ARHGEF4: variants seen among roughly 807,000 people sequenced by gnomAD.
ARHGEF4 encodes the protein Rho guanine nucleotide exchange factor 4.
In ARHGEF4, 119 loss-of-function variants were observed where a neutral mutation model predicts 162.0. The observed-to-expected ratio is 0.73, with a 90% CI of 0.63 to 0.86. The LOEUF (loss-of-function observed/expected upper bound fraction) is 0.86, where lower values mean the gene tolerates loss of function less well. ARHGEF4 is among the 40% of genes least tolerant of loss of function. The pLI is 0.00. For synonymous variants in ARHGEF4, 1,014 were observed against 979.9 expected, an observed-to-expected ratio of 1.03 and a Z score of -0.65; for missense variants, 2,488 against 2,456.0, an observed-to-expected ratio of 1.01 and a Z score of -0.28.
At chr2:130,901,253 G>A (rs1484112546) in intron 1 of ARHGEF4, among the ~76,000 whole-genome samples, 1 of 152,162 alleles carries the variant, frequency 6.6e-6, no homozygotes, top group East Asian at 1.9e-4. Context: ...AGACACACAG[G>A]CTGCTGACAT....
intron 4 of ARHGEF4, among the ~76,000 whole-genome samples, chr2:130,951,067 A>G (rs1166076237): frequency 1.3e-5 from 2 of 152,166 alleles, no homozygotes; most frequent in South Asian, 2.1e-4. Context: ...GCCTTCATAC[A>G]ATTGGAAAAA....
At chr2:130,850,821 A>G (rs1681357963) in intron 1 of ARHGEF4, among the ~76,000 whole-genome samples, 1 of 152,248 alleles carries the variant, frequency 6.6e-6, no homozygotes, top group Admixed American at 6.5e-5. Flanking sequence ...GCCACTGTAC[A>G]GTCTTTCCAA....
chr2:130,999,505 A>T (rs748229705), intron 4 of ARHGEF4, among the ~76,000 whole-genome samples: 39 of 152,232 alleles, frequency 2.6e-4, no homozygotes, highest in South Asian at 1.2e-3. Context: ...TCTTTATCAT[A>T]CATGTTTTGT....
At chr2:131,038,445 C>T (rs1690473629) in intron 5 of ARHGEF4, among the ~76,000 whole-genome samples, 2 of 150,112 alleles carry the variant, frequency 1.3e-5, no homozygotes. Flanking sequence ...CAGCCTCTCC[C>T]TCCTGCAGCC....
At chr2:130,865,069 A>T (rs998765836) in intron 1 of ARHGEF4, among the ~76,000 whole-genome samples, 5 of 152,190 alleles carry the variant, frequency 3.3e-5, no homozygotes, top group African/African-American at 1.2e-4. Context: ...TCCTCAGAGG[A>T]GGGACTTGCT....
At chr2:131,044,156 C>G (rs1185098510) in intron 11 of ARHGEF4, 143 bp from the exon 12 acceptor site, 14 of 1,252,696 alleles carry the variant, frequency 1.1e-5, no homozygotes, top group African/African-American at 1.5e-5. Flanking sequence ...AAGGCATGCT[C>G]TGCCCTCAGG....
At chr2:130,952,261 T>C (rs1017478859) in intron 4 of ARHGEF4, among the ~76,000 whole-genome samples, 1 of 152,182 alleles carries the variant, frequency 6.6e-6, no homozygotes, top group Non-Finnish European at 1.5e-5. Flanking sequence ...TTATTTAGTC[T>C]TCATTTTTGA....
chr2:131,004,253 C>T (rs1360799568), intron 4 of ARHGEF4, among the ~76,000 whole-genome samples: 1 of 152,202 alleles, frequency 6.6e-6, no homozygotes, highest in Non-Finnish European at 1.5e-5. Flanking sequence ...GCAAGCTCCA[C>T]CTCCAGGGTT....
In ARHGEF4 at chr2:130,916,483, C is replaced by A. The variant is rs1350585900; in HGVS notation, c.2537C>A (p.Pro846Gln). 6.5e-7 allele frequency: 1 copy of A among 1,546,234 alleles called. No individual in the cohort carries two copies. The highest frequency in any genetic ancestry group is 2.0e-5 in the Admixed American group (1 of 50,964). ...NPPAAAGRDA[P>Q]PLHHGDASAW... The stretch of plus-strand genomic sequence containing the variant: ...CCCGCTGCGGCCGGTCGGGACGCAC[C>A]GCCTCTGCACCACGGGGACGCCAGC... Residue 846 changes from proline to glutamine, a missense_variant, in exon 2 of 14, where the codon CCG (proline) becomes CAG (glutamine). Pro to Gln is a moderately conservative substitution (Grantham distance 76). This residue lies in a region of ARHGEF4 where 1,642 missense variants were observed against 1,481.5 expected (regional missense o/e 1.11). Transcript: ENST00000409359.
chr2:130,934,715 G>T (rs1368945830), intron 3 of ARHGEF4, among the ~76,000 whole-genome samples: 5 of 152,042 alleles, frequency 3.3e-5, no homozygotes, highest in Non-Finnish European at 5.9e-5. Context: ...GTTAATTTTT[G>T]TATTTTTTGA....
chr2:130,991,285 G>A (rs1686936326), intron 4 of ARHGEF4, among the ~76,000 whole-genome samples: 1 of 152,264 alleles, frequency 6.6e-6, no homozygotes, highest in South Asian at 2.1e-4. Context: ...CAGAGTGCTG[G>A]CAGTCCTCAC....
intron 1 of ARHGEF4, among the ~76,000 whole-genome samples, chr2:130,911,101 T>A (rs1681154010): frequency 6.6e-6 from 1 of 152,050 alleles, no homozygotes; most frequent in Non-Finnish European, 1.5e-5. Context: ...TCGGCCAACG[T>A]CGGGGCAGCG....
rs114372594 is a variant in ARHGEF4 at position 130,999,979 on chromosome 2, G to C, written c.3986-27966G>C. Among the ~76,000 whole-genome samples, 1,142 of 152,312 alleles carry C rather than the reference G, an allele frequency of 7.5e-3. 11 individuals are homozygous for C. Among genetic ancestry groups the C allele is most frequent in the African/African-American group, 0.026 (1,096 of 41,576 alleles). ...CACCTGCCTCGGCCTCCCAAAATGG[G>C]ATTACAGGCGTAAGCCACCACTCCC... On this transcript the variant is annotated intron_variant, in intron 4 of 13. Coordinates refer to ENST00000409359, the MANE Select transcript of ARHGEF4 (RefSeq NM_001367493.1).
In ARHGEF4 at chr2:130,915,404, A is replaced by G. The variant is rs903254251; in HGVS notation, c.1458A>G (p.Arg486=). ...TQLAPRAADE[R]ETQKHLWGIS... is the part of the protein sequence containing the mutation. ...TCGCACCAAGAGCTGCTGATGAGAG[A>G]GAGACACAGAAGCACCTCTGGGGCA... The change falls in exon 2 of 14, where the codon AGA becomes AGG. Residue 486 remains arginine, a synonymous_variant. Coordinates refer to ENST00000409359, the MANE Select transcript of ARHGEF4 (RefSeq NM_001367493.1). The G allele has an allele frequency of 6.4e-7, 1 of 1,550,632 alleles. No individual in the cohort carries two copies. The highest frequency in any genetic ancestry group is 1.2e-5 in the South Asian group (1 of 84,062).
At chr2:130,850,853 C>G (rs142719656) in intron 1 of ARHGEF4, among the ~76,000 whole-genome samples, 1,789 of 152,378 alleles carry the variant, frequency 0.012, 37 homozygotes, top group African/African-American at 0.041. Context: ...CAGATGGCAG[C>G]TGAGGCTGCT....
intron 5 of ARHGEF4, among the ~76,000 whole-genome samples, chr2:131,036,024 C>T (rs1211302462): frequency 6.6e-6 from 1 of 152,166 alleles, no homozygotes; most frequent in Non-Finnish European, 1.5e-5. Context: ...ATAGAACAGC[C>T]AGTTTCACAG....
chr2:130,933,214 C>CA lies in ARHGEF4; in HGVS notation c.3858+1973dup, dbSNP rs34411956. Among the ~76,000 whole-genome samples the CA allele has an allele frequency of 4.9e-3, 672 of 136,670 alleles. 5 individuals carry two copies. Among genetic ancestry groups the CA allele is most frequent in the African/African-American group, 0.018 (616 of 33,590 alleles). The allele number at this position is 136,670 out of a possible 152,430, so 89.7% of individuals were successfully genotyped here. A position where few individuals can be genotyped will look rare whatever the true frequency, so the allele number is the denominator to read the frequency against. On this transcript the variant is annotated intron_variant, in intron 3 of 13. Coordinates refer to ENST00000409359, the MANE Select transcript of ARHGEF4 (RefSeq NM_001367493.1). ...TGGGTGACAGAGTGAGACCCTGTCT[C>CA]AAAAAAAAAAAAAAAAGTCAAATTA...
At chr2:130,893,928 G>A (rs561125885) in intron 1 of ARHGEF4, among the ~76,000 whole-genome samples, 24 of 152,346 alleles carry the variant, frequency 1.6e-4, no homozygotes, top group African/African-American at 5.8e-4. Flanking sequence ...TAGATGGAGA[G>A]TGAATTTGGA....
At chr2:130,911,354 A>C (rs375810866) in intron 1 of ARHGEF4, among the ~76,000 whole-genome samples, 1 of 152,136 alleles carries the variant, frequency 6.6e-6, no homozygotes, top group South Asian at 2.1e-4. Flanking sequence ...CAGACTTTCA[A>C]ATTTAACCCA....
Sources: allele counts gnomAD v4.1 joint callset (sites outside exome capture counted in the v4.1 genomes callset), GRCh38; gene constraint gnomAD v4.1.1; regional missense constraint gnomAD v4.1.1; transcripts MANE v1.5; gene names NCBI Gene and HGNC (gene_info 2026-07-23, HGNC 2026-07-21).